The following DHRS12 variants were observed in gnomAD, a reference collection of about 807,000 sequenced individuals.
DHRS12 encodes dehydrogenase/reductase SDR family member 12.
In DHRS12, 29 loss-of-function variants were observed where a neutral mutation model predicts 32.1. That is an observed-to-expected ratio of 0.90 (90% CI 0.67 to 1.23). DHRS12 has a LOEUF of 1.23. Among genes scored for constraint, DHRS12 ranks in the 50% most tolerant of loss-of-function variants. The pLI, the probability that DHRS12 is intolerant of heterozygous loss-of-function variation, is 0.00. For synonymous variants in DHRS12, 150 were observed against 135.9 expected (o/e 1.10, Z -0.72); for missense variants, 330 against 337.2 (o/e 0.98, Z 0.17).
chr13:51,796,936 AT>A (rs1192795530), intron 2 of DHRS12, among the ~76,000 whole-genome samples: 5 of 152,210 alleles, frequency 3.3e-5, no homozygotes, highest in Non-Finnish European at 7.3e-5. Flanking sequence ...TTGATGCAAA[AT>A]ATTCCATCCT....
intron 5 of DHRS12, among the ~76,000 whole-genome samples, chr13:51,776,849 G>A (rs566873755): frequency 6.6e-6 from 1 of 151,990 alleles, no homozygotes; most frequent in Admixed American, 6.5e-5. Context: ...AGTGGGGGTC[G>A]GGGGTTGGGG....
At position 51,803,968 on chromosome 13, in the gene DHRS12, G is replaced by A. The variant is rs886064783; in HGVS notation, c.-9+86C>T. On this transcript the variant is annotated intron_variant, in intron 1 of 8. Coordinates refer to ENST00000444610, the MANE Select transcript of DHRS12 (RefSeq NM_001377533.1). ...CCCAGCGAGAGGGCGAAGGAGCCGC[G>A]GGCGCGTCCCCGCCAACCCTGCTCG... 1.2e-5 allele frequency: 15 copies of A among 1,220,512 alleles called. 1 individual carries two copies. The South Asian group carries it at 3.4e-4, about 27-fold the overall frequency. The allele number at this position is 1,220,512 out of a possible 1,614,324, so 75.6% of individuals were successfully genotyped here.
chr13:51,794,796 T>G (rs999830159), intron 2 of DHRS12, among the ~76,000 whole-genome samples: 31 of 152,078 alleles, frequency 2.0e-4, no homozygotes, highest in East Asian at 5.8e-4. Flanking sequence ...ATAGAAGTTT[T>G]TTTTTTTTTT....
intron 4 of DHRS12, among the ~76,000 whole-genome samples, chr13:51,783,015 A>G (rs1443773261): frequency 4.6e-5 from 7 of 152,208 alleles, no homozygotes; most frequent in Non-Finnish European, 8.8e-5. Context: ...GCTGCCGAGA[A>G]GGAAGAGCGG....
chr13:51,777,099 G>A lies in DHRS12; in HGVS notation c.324C>T (p.Gly108=), dbSNP rs933215904. 18 of 1,613,990 alleles carry A rather than the reference G, an allele frequency of 1.1e-5. No individual in the cohort carries two copies. The highest frequency in any genetic ancestry group is 1.6e-4 in the Middle Eastern group (1 of 6,084). ...GTTCTTTCTCCAGCACAGGGATCAG[G>A]CCGGTCGTGAGAATGTACACACCTG... is the stretch of plus-strand genomic sequence containing the variant. ...NTLGVYILTT[G]LIPVLEKEHD... Residue 108 remains glycine, a synonymous_variant, in exon 5 of 9, where the codon GGC becomes GGT. Transcript: ENST00000444610.
chr13:51,789,514 T>G, intron 4 of DHRS12: 2 of 982,054 alleles, frequency 2.0e-6, no homozygotes, highest in Non-Finnish European at 2.4e-6. Flanking sequence ...ATGCTGAGGC[T>G]GCTGGTCTGG....
chr13:51,802,855 A>G (rs2139483089), intron 1 of DHRS12, among the ~76,000 whole-genome samples: 1 of 152,142 alleles, frequency 6.6e-6, no homozygotes, highest in African/African-American at 2.4e-5. Flanking sequence ...CCTTGGCCTC[A>G]CTTCTACCTT....
At position 51,804,110 on chromosome 13, in the gene DHRS12, G is replaced by T; in HGVS notation, c.-65C>A. 6.7e-7 allele frequency: 1 copy of T among 1,488,928 alleles called. No individual in the cohort carries two copies. Among genetic ancestry groups the T allele is most frequent in the Non-Finnish European group, 8.9e-7 (1 of 1,125,400 alleles). The allele number at this position is 1,488,928 out of a possible 1,614,324, so 92.2% of individuals were successfully genotyped here. A position where few individuals can be genotyped will look rare whatever the true frequency, so the allele number is the denominator to read the frequency against. ...ACACGACGCTGCGGTACAGGGACAT[G>T]CCGGGAGCGCCCCACGCCTAGCCCC... On this transcript the variant is annotated 5_prime_UTR_variant, in exon 1 of 9. Coordinates refer to ENST00000444610, the MANE Select transcript of DHRS12 (RefSeq NM_001377533.1).
At chr13:51,772,940 G>A (rs1954099594) in intron 6 of DHRS12, 1 of 985,398 alleles carries the variant, frequency 1.0e-6, no homozygotes, top group Admixed American at 6.1e-5. Flanking sequence ...AAGTGGAGGT[G>A]CAGAGAGTCT....
intron 4 of DHRS12, among the ~76,000 whole-genome samples, chr13:51,783,964 TG>T (rs1954836922): frequency 6.6e-6 from 1 of 152,254 alleles, no homozygotes; most frequent in African/African-American, 2.4e-5. Flanking sequence ...CGTATTTTTG[TG>T]TGCACACAGG....
intron 5 of DHRS12, 151 bp from the exon 6 acceptor site, chr13:51,774,185 C>T (rs575572334): frequency 3.2e-6 from 2 of 634,822 alleles, no homozygotes; most frequent in Admixed American, 5.0e-5. Flanking sequence ...CAGTATTCTC[C>T]TACAGTACAT....
intron 6 of DHRS12, among the ~76,000 whole-genome samples, chr13:51,772,451 A>G (rs1954073935): frequency 6.6e-6 from 1 of 152,120 alleles, no homozygotes; most frequent in Non-Finnish European, 1.5e-5. Context: ...GGTGAAACCC[A>G]GTCTCTACTA....
rs1386955730 is a variant in DHRS12, at chr13:51,798,676, C to T, written c.126+858G>A. Among the ~76,000 whole-genome samples, 3 of 152,244 alleles carry T rather than the reference C, an allele frequency of 2.0e-5. No homozygotes were observed. The East Asian group carries it at 5.8e-4, about 29-fold the overall frequency. On this transcript the variant is annotated intron_variant, in intron 2 of 8. Coordinates refer to ENST00000444610, the MANE Select transcript of DHRS12 (RefSeq NM_001377533.1). ...TGACTTGGCAGATAATTAAATAAAGCTTCAAATGATATAATAGTCCCCTGA... is the reference window on the plus strand; with the variant it reads ...TGACTTGGCAGATAATTAAATAAAGTTTCAAATGATATAATAGTCCCCTGA...
intron 1 of DHRS12, 149 bp downstream of exon 1, chr13:51,803,905 C>T (rs1054864438): frequency 4.9e-5 from 33 of 666,918 alleles, no homozygotes; most frequent in Middle Eastern, 5.0e-4. Flanking sequence ...GGTCGCTAGA[C>T]GGCGGGCGCA....
chr13:51,799,406 G>T, intron 2 of DHRS12, 128 bp downstream of exon 2: 1 of 1,405,466 alleles, frequency 7.1e-7, no homozygotes, highest in Non-Finnish European at 9.6e-7. Flanking sequence ...TGGCAGCTGT[G>T]CCCAGAACCA....
intron 1 of DHRS12, among the ~76,000 whole-genome samples, chr13:51,802,590 A>G (rs1955811505): frequency 6.6e-6 from 1 of 152,206 alleles, no homozygotes; most frequent in South Asian, 2.1e-4. Flanking sequence ...GGGAATTATT[A>G]GGTTCAGCAA....
At chr13:51,761,044 C>A in the DHRS12 span, 1 of 152,208 alleles carries the variant, frequency 6.6e-6, no homozygotes, top group African/African-American at 2.4e-5. Flanking sequence ...AGATTGTAAT[C>A]CTGCTGTATT....
At chr13:51,767,865 C>CCGT, downstream of DHRS12, 1 of 375,108 alleles carries the variant, frequency 2.7e-6, no homozygotes, top group Non-Finnish European at 3.7e-6. Context: ...CACAGGGGGG[C>CCGT]ATTCCTGCTG....
chr13:51,800,042 T>C (rs187318112), intron 1 of DHRS12, among the ~76,000 whole-genome samples: 11 of 152,222 alleles, frequency 7.2e-5, no homozygotes, highest in Admixed American at 7.2e-4. Context: ...ATTTGCATTG[T>C]GCTTATTGCA....
Sources: allele counts gnomAD v4.1 joint callset (sites outside exome capture counted in the v4.1 genomes callset), GRCh38; gene constraint gnomAD v4.1.1; transcripts MANE v1.5; gene names NCBI Gene and HGNC (gene_info 2026-07-23, HGNC 2026-07-21).